The following ZNF71 variants were observed in gnomAD, a reference collection of about 807,000 sequenced individuals.
ZNF71 encodes the protein zinc finger protein 71.
In ZNF71, 3 loss-of-function variants were observed where a neutral mutation model predicts 6.7. The ratio of observed to expected loss-of-function variants is 0.45; its 90% CI spans 0.20 to 1.16. The LOEUF is 1.16. Among genes scored for constraint, ZNF71 ranks in the 50% most tolerant of loss-of-function variants. ZNF71 has a pLI of 0.25. For missense variants in ZNF71, 688 were observed against 728.6 expected (o/e 0.94, Z 0.64); for synonymous variants, 343 against 311.1 (o/e 1.10, Z -1.08).
chr19:56,622,759 C>G lies in ZNF71; in HGVS notation c.*2C>G, dbSNP rs141286207. ...CGCCACCTGCGGATTCACACCTGAGCGCCTCTGTGCAGGGCTCTCACTGGC... is the reference window on the plus strand; with the variant it reads ...CGCCACCTGCGGATTCACACCTGAGGGCCTCTGTGCAGGGCTCTCACTGGC... On this transcript the variant is annotated 3_prime_UTR_variant, in exon 4 of 4. Coordinates refer to ENST00000599599, the MANE Select transcript of ZNF71 (RefSeq NM_001370215.1). 1.9e-6 allele frequency: 3 copies of G among 1,591,166 alleles called. No homozygotes were observed. The African/African-American group carries it at 4.0e-5, about 21-fold the overall frequency.
At chr19:56,608,356 C>A (rs927902020) in intron 2 of ZNF71, among the ~76,000 whole-genome samples, 6 of 152,180 alleles carry the variant, frequency 3.9e-5, no homozygotes, top group African/African-American at 1.4e-4. Context: ...TCATTTAAAT[C>A]ATGGAATCGT....
Position 56,603,244 on chromosome 19 carries a change from C to T in ZNF71, c.33+1653C>T. Among the ~76,000 whole-genome samples, 1 of 152,186 alleles carries T rather than the reference C, an allele frequency of 6.6e-6. No individual in the cohort carries two copies. The highest frequency in any genetic ancestry group is 1.9e-4 in the East Asian group (1 of 5,194). On this transcript the variant is annotated intron_variant, in intron 2 of 3. Coordinates refer to ENST00000599599, the MANE Select transcript of ZNF71 (RefSeq NM_001370215.1). This position sits in a 1 kb window ranked among gnomAD's most constrained non-coding sequence, Gnocchi z 4.6. The stretch of plus-strand genomic sequence containing the variant: ...CATTTTCCCCCATCAGTCCACGGCC[C>T]CTGGCAACCAGTAATCAGCTTTCTG...
At chr19:56,601,224 G>A (rs973030405) in intron 1 of ZNF71, among the ~76,000 whole-genome samples, 1 of 152,146 alleles carries the variant, frequency 6.6e-6, no homozygotes, top group African/African-American at 2.4e-5. Flanking sequence ...CTGTAATCTT[G>A]AGCAAGTGGT....
In ZNF71 at chr19:56,618,538, A is replaced by G. The variant is rs901848590; in HGVS notation, c.161-2730A>G. On this transcript the variant is annotated intron_variant, in intron 3 of 3. Transcript: ENST00000599599. This position sits in a 1 kb window ranked among gnomAD's most constrained non-coding sequence, Gnocchi z 4.6. ...TAATCAGATCAAGGGACAGGCAGAG[A>G]AAAATTGCCACAGGTCACTGAGTGT... 1.3e-5 allele frequency among the ~76,000 whole-genome samples: 2 copies of G among 152,150 alleles called. No individual in the cohort carries two copies. The highest frequency in any genetic ancestry group is 1.3e-4 in the Admixed American group (2 of 15,282).
At chr19:56,602,450 C>T (rs2044678105) in intron 2 of ZNF71, among the ~76,000 whole-genome samples, 1 of 152,146 alleles carries the variant, frequency 6.6e-6, no homozygotes, top group Non-Finnish European at 1.5e-5. Context: ...TGGCTGTTGT[C>T]AGGCATTTAT....
chr19:56,603,812 T>C lies in ZNF71; in HGVS notation c.33+2221T>C, dbSNP rs1274470489. 4.0e-5 allele frequency among the ~76,000 whole-genome samples: 6 copies of C among 151,160 alleles called. No individual in the cohort carries two copies. In the East Asian group the frequency reaches 7.8e-4, roughly 20 times the overall value. ...TTTTTTTTTTTAATTACTACTAGTG[T>C]AATTACATTCAATTTTTAAAAAAAA... On this transcript the variant is annotated intron_variant, in intron 2 of 3. Transcript: ENST00000599599. This position sits in a 1 kb window ranked among gnomAD's most constrained non-coding sequence, Gnocchi z 4.6.
chr19:56,622,506 G>C lies in ZNF71; in HGVS notation c.1399G>C (p.Glu467Gln). ...LIVHQIVHTG[E>Q]KPYVCGECGK... Reference sequence around the variant, plus strand: ...CGTGCACCAGATCGTGCACACCGGGGAGAAGCCCTACGTGTGCGGCGAGTG... The same window carrying C: ...CGTGCACCAGATCGTGCACACCGGGCAGAAGCCCTACGTGTGCGGCGAGTG... The change falls in exon 4 of 4, where the codon GAG (glutamate) becomes CAG (glutamine). Residue 467 changes from glutamate to glutamine, a missense_variant. Transcript: ENST00000599599. The C allele has an allele frequency of 6.2e-7, 1 of 1,610,012 alleles. No individual in the cohort carries two copies.
At chr19:56,607,105 G>T (rs1482545615) in intron 2 of ZNF71, among the ~76,000 whole-genome samples, 1 of 152,156 alleles carries the variant, frequency 6.6e-6, no homozygotes, top group African/African-American at 2.4e-5. Context: ...TACCAGAAAA[G>T]CATGGTTGAA....
intron 3 of ZNF71, among the ~76,000 whole-genome samples, chr19:56,620,656 C>T (rs184281635): frequency 1.3e-5 from 2 of 152,102 alleles, no homozygotes; most frequent in East Asian, 3.9e-4. Flanking sequence ...CTCAGCCTCT[C>T]AAGTAGCTGG....
At chr19:56,617,112 G>GTTTTGTTTT (rs1555776017) in intron 3 of ZNF71, among the ~76,000 whole-genome samples, 5 of 140,642 alleles carry the variant, frequency 3.6e-5, no homozygotes, top group East Asian at 2.2e-4. Flanking sequence ...ATTTTCTTTT[G>GTTTTGTTTT]TTTTTTTTTG....
chr19:56,607,620 G>A (rs2044719690), intron 2 of ZNF71, among the ~76,000 whole-genome samples: 1 of 152,098 alleles, frequency 6.6e-6, no homozygotes. Context: ...GCTAGAAAAT[G>A]GCCAAGCCAG....
chr19:56,595,833 T>C (rs1244009569), intron 1 of ZNF71, among the ~76,000 whole-genome samples: 1 of 141,138 alleles, frequency 7.1e-6, no homozygotes, highest in Non-Finnish European at 1.5e-5. Context: ...TCTCTGGATA[T>C]TGTGATTGTG....
chr19:56,613,507 T>C lies in ZNF71; in HGVS notation c.34-305T>C, dbSNP rs1475457148. ...GGCTCTGCCTCTGCTGTGCTCCTAA[T>C]GCATTTGTTGATTCACTGGGTTAGA... On this transcript the variant is annotated intron_variant, in intron 2 of 3. Coordinates refer to ENST00000599599, the MANE Select transcript of ZNF71 (RefSeq NM_001370215.1). The surrounding 1 kb of genome is among the most constrained non-coding windows in gnomAD (Gnocchi z 4.6). Among the ~76,000 whole-genome samples the C allele has an allele frequency of 6.6e-6, 1 of 152,230 alleles. No individual in the cohort carries two copies. The highest frequency in any genetic ancestry group is 1.5e-5 in the Non-Finnish European group (1 of 68,040).
intron 2 of ZNF71, among the ~76,000 whole-genome samples, chr19:56,612,366 C>T (rs933141867): frequency 6.6e-6 from 1 of 152,078 alleles, no homozygotes; most frequent in African/African-American, 2.4e-5. Context: ...GATACACACA[C>T]ATATAATATA....
At chr19:56,604,805 C>G (rs1231636226) in intron 2 of ZNF71, among the ~76,000 whole-genome samples, 1 of 152,216 alleles carries the variant, frequency 6.6e-6, no homozygotes, top group Non-Finnish European at 1.5e-5. Context: ...GGGGGTGAGG[C>G]CTCCCCTTGG....
At position 56,622,199 on chromosome 19, in the gene ZNF71, C is replaced by A. The variant is rs760390542; in HGVS notation, c.1092C>A (p.Gly364=). 9 of 1,613,386 alleles carry A rather than the reference C, an allele frequency of 5.6e-6. No individual in the cohort carries two copies. The highest frequency in any genetic ancestry group is 7.6e-6 in the Non-Finnish European group (9 of 1,179,830). Residue 364 remains glycine (G), a synonymous_variant, in exon 4 of 4, where the codon GGC becomes GGA. Transcript: ENST00000599599. ...AGCCGTACGCCTGCAAGGAGTGCGG[C>A]AAGGCCTTCAACAAGAGCTCCTCGC... ...GEKPYACKEC[G]KAFNKSSSLT...
intron 2 of ZNF71, among the ~76,000 whole-genome samples, chr19:56,607,626 G>A (rs1251393044): frequency 6.6e-6 from 1 of 152,144 alleles, no homozygotes; most frequent in African/African-American, 2.4e-5. Flanking sequence ...AAATGGCCAA[G>A]CCAGGGTTTG....
At chr19:56,601,684 T>C in intron 2 of ZNF71, 93 bp downstream of exon 2, 1 of 822,350 alleles carries the variant, frequency 1.2e-6, no homozygotes, top group Non-Finnish European at 1.5e-6. Flanking sequence ...AGGCCCCCAG[T>C]CCCATCTTCT....
chr19:56,597,420 C>A (rs1331829971), intron 1 of ZNF71, among the ~76,000 whole-genome samples: 1 of 152,228 alleles, frequency 6.6e-6, no homozygotes, highest in Non-Finnish European at 1.5e-5. Flanking sequence ...ATAACTTCTA[C>A]CCCCTTCTCA....
Sources: gnomAD v4.1 joint callset for allele counts (sites outside exome capture counted in the v4.1 genomes callset) on GRCh38, gnomAD v4.1.1 for gene constraint, Gnocchi (gnomAD v3.1) non-coding constraint, MANE v1.5 for transcripts, NCBI Gene and HGNC (gene_info 2026-07-23, HGNC 2026-07-21) for gene names.